The following AARS2 variants were observed in gnomAD, a reference collection of about 807,000 sequenced individuals.
AARS2 encodes alanyl-tRNA synthetase 2, mitochondrial.
AARS2 carries 78 observed loss-of-function variants against 119.7 expected under a neutral mutation model. The ratio of observed to expected loss-of-function variants is 0.65; its 90% CI spans 0.54 to 0.79. The LOEUF (loss-of-function observed/expected upper bound fraction) is 0.79. Ranked by LOEUF, AARS2 falls within the 30% of genes least tolerant of loss-of-function variation. The probability of loss-of-function intolerance (pLI) is 0.00; values close to 1 mark genes in which losing one functional copy is unlikely to be tolerated. For missense variants in AARS2, 1,157 were observed against 1,291.3 expected (o/e 0.90, Z 1.59); for synonymous variants, 502 against 526.3 (o/e 0.95, Z 0.63).
In AARS2 at chr6:44,300,282, G is replaced by A. The variant is rs1785255616; in HGVS notation, c.*265C>T. 1 of 540,590 alleles carries A rather than the reference G, an allele frequency of 1.8e-6. No homozygotes were observed. Among genetic ancestry groups the A allele is most frequent in the Non-Finnish European group, 3.3e-6 (1 of 300,550 alleles). The allele number at this position is 540,590 out of a possible 1,614,324, so 33.5% of individuals were successfully genotyped here. On this transcript the variant is annotated 3_prime_UTR_variant, in exon 22 of 22. Coordinates refer to ENST00000244571, the MANE Select transcript of AARS2 (RefSeq NM_020745.4). ...GTGTGAACCACCACACCCGGCCAGT[G>A]AAATAATTTCTAATGTGCAGTCACA...
At chr6:44,306,664 A>C in intron 7 of AARS2, 132 bp from the exon 8 acceptor site, 1 of 1,149,158 alleles carries the variant, frequency 8.7e-7, no homozygotes, top group Non-Finnish European at 1.3e-6. Flanking sequence ...AGGGACTCAA[A>C]TGGGGAACTG....
intron 21 of AARS2, 22 bp downstream of exon 21, chr6:44,301,134 G>A (rs981915454): frequency 1.2e-6 from 2 of 1,601,676 alleles, no homozygotes; most frequent in South Asian, 2.2e-5. Flanking sequence ...GGGGCGGTGG[G>A]CTGCTCTCCC....
In AARS2 at chr6:44,300,449, C is replaced by CCT. The variant is rs1287017086; in HGVS notation, c.*96_*97dup. 5.8e-6 allele frequency: 9 copies of CCT among 1,558,948 alleles called. No homozygotes were observed. Among genetic ancestry groups the CCT allele is most frequent in the Non-Finnish European group, 7.9e-6 (9 of 1,134,390 alleles). On this transcript the variant is annotated 3_prime_UTR_variant, in exon 22 of 22. Transcript: ENST00000244571. ...TTTGGCTCAGCTGCTTGGCCTCCAG[C>CCT]CTCTAGTCCTCGCTTCAGCATGTGG...
chr6:44,306,269 A>T lies in AARS2; in HGVS notation c.1300+11T>A, dbSNP rs1007485410. On this transcript the variant is annotated intron_variant, in intron 9 of 21. Transcript: ENST00000244571. ...CGAGCCCCTTGTGCATGGGCTAGGT[A>T]TCCTGCTTACCAGGGAACATATCTG... 4 of 1,613,456 alleles carry T rather than the reference A, an allele frequency of 2.5e-6. No individual in the cohort carries two copies. The highest frequency in any genetic ancestry group is 3.4e-6 in the Non-Finnish European group (4 of 1,179,516).
chr6:44,312,002 G>A (rs982227461), intron 2 of AARS2, 70 bp downstream of exon 2: 53 of 1,574,684 alleles, frequency 3.4e-5, no homozygotes, highest in Non-Finnish European at 7.0e-6. Flanking sequence ...CCCTGCCTAA[G>A]CAGACAGTAC....
chr6:44,313,252 G>T lies in AARS2; in HGVS notation c.72C>A (p.Gly24=). 1 of 1,572,864 alleles carries T rather than the reference G, an allele frequency of 6.4e-7. No homozygotes were observed. Among genetic ancestry groups the T allele is most frequent in the Middle Eastern group, 2.3e-4 (1 of 4,430 alleles). The change falls in exon 1 of 22, where the codon GGC becomes GGA. Residue 24 remains glycine (G), a synonymous_variant. Coordinates refer to ENST00000244571, the MANE Select transcript of AARS2 (RefSeq NM_020745.4). ...CCGATGAGAGCGGCCGATGGCTGAGGCCCCGCCATGCGGGCGACCTTCGAA... is the reference window on the plus strand; with the variant it reads ...CCGATGAGAGCGGCCGATGGCTGAGTCCCCGCCATGCGGGCGACCTTCGAA... ...RAIRRSPAWR[G]LSHRPLSSEP...
chr6:44,308,871 G>A (rs1786100855), intron 5 of AARS2, among the ~76,000 whole-genome samples: 1 of 152,072 alleles, frequency 6.6e-6, no homozygotes, highest in Admixed American at 6.5e-5. Context: ...CCAAGTGCTG[G>A]GATTACAGGA....
At chr6:44,306,891 G>C (rs1785905318) in intron 7 of AARS2, 32 bp downstream of exon 7, 1 of 1,601,070 alleles carries the variant, frequency 6.2e-7, no homozygotes, top group African/African-American at 1.3e-5. Context: ...TGCCCAGGGA[G>C]GCCCAGAGTG....
intron 5 of AARS2, among the ~76,000 whole-genome samples, chr6:44,308,542 C>CAA (rs879544098): frequency 7.3e-6 from 1 of 136,928 alleles, no homozygotes; most frequent in African/African-American, 2.7e-5. Context: ...GACTCTGTCT[C>CAA]AAAAAAAAAA....
At chr6:44,312,006 A>G in intron 2 of AARS2, 66 bp downstream of exon 2, 1 of 1,580,472 alleles carries the variant, frequency 6.3e-7, no homozygotes, top group Non-Finnish European at 8.7e-7. Flanking sequence ...GCCTAAGCAG[A>G]CAGTACAATG....
chr6:44,299,080 C>T lies in AARS2; in HGVS notation c.*1467G>A, dbSNP rs1029142523. Among the ~76,000 whole-genome samples, 1 of 152,192 alleles carries T rather than the reference C, an allele frequency of 6.6e-6. No homozygotes were observed. The highest frequency in any genetic ancestry group is 1.5e-5 in the Non-Finnish European group (1 of 68,044). On this transcript the variant is annotated 3_prime_UTR_variant, in exon 22 of 22. Coordinates refer to ENST00000244571, the MANE Select transcript of AARS2 (RefSeq NM_020745.4). ...AGTGGCACTGGCCACCTCACGGCCT[C>T]TGCATTGGCTGTTCCCTCAGGCTGG... is the stretch of plus-strand genomic sequence containing the variant.
rs562755899 is a variant in AARS2 at position 44,308,995 on chromosome 6, T to C, written c.894+1304A>G. On this transcript the variant is annotated intron_variant, in intron 5 of 21. Coordinates refer to ENST00000244571, the MANE Select transcript of AARS2 (RefSeq NM_020745.4). ...TTCTGCCTTCTTCTCTGTGAGACTG[T>C]TCACAAAAATGGCCCTTTCCTAGGC... Among the ~76,000 whole-genome samples the C allele has an allele frequency of 1.6e-4, 24 of 152,304 alleles. No individual in the cohort carries two copies. In the East Asian group the frequency reaches 4.2e-3, roughly 27 times the overall value.
chr6:44,303,154 C>G lies in AARS2; in HGVS notation c.2167G>C (p.Val723Leu). ...LDEVYPDPVR[V>L]VSVGVPVAHA... is the part of the protein sequence containing the mutation. ...GCCACGGGCACCCCCACTGATACCA[C>G]CCGCACAGGGTCTGGGTAAACCTGA... The change falls in exon 16 of 22, where the codon GTG (valine) becomes CTG (leucine). Residue 723 changes from valine (V) to leucine (L), a missense_variant. Transcript: ENST00000244571. The G allele has an allele frequency of 6.2e-7, 1 of 1,614,182 alleles. No homozygotes were observed.
chr6:44,311,371 A>G lies in AARS2; in HGVS notation c.581+19T>C. The G allele has an allele frequency of 3.1e-6, 5 of 1,614,124 alleles. No homozygotes were observed. The highest frequency in any genetic ancestry group is 4.2e-6 in the Non-Finnish European group (5 of 1,180,020). ...CCTCCTGACCTCCAGGAATGAACAT[A>G]AGAAGGGGGCTGACTTACCCTAAGC... On this transcript the variant is annotated intron_variant, in intron 3 of 21. Transcript: ENST00000244571.
At chr6:44,301,714 G>A (rs750486015) in intron 19 of AARS2, among the ~76,000 whole-genome samples, 1 of 152,136 alleles carries the variant, frequency 6.6e-6, no homozygotes, top group Non-Finnish European at 1.5e-5. Flanking sequence ...CAAATAGGTC[G>A]CTGAAGGTGA....
At position 44,312,276 on chromosome 6, in the gene AARS2, A is replaced by T. The variant is rs780686340; in HGVS notation, c.244-13T>A. On this transcript the variant is annotated splice_polypyrimidine_tract_variant and intron_variant, in intron 1 of 21. Coordinates refer to ENST00000244571, the MANE Select transcript of AARS2 (RefSeq NM_020745.4). ...AGATTGGCTTGAACTGGAAGCACAT[A>T]GAGTGGGGAGGGGGAGAGGGATATC... The T allele has an allele frequency of 6.2e-7, 1 of 1,612,654 alleles. No individual in the cohort carries two copies. The highest frequency in any genetic ancestry group is 1.3e-5 in the African/African-American group (1 of 75,034).
chr6:44,305,776 G>A lies in AARS2; in HGVS notation c.1311C>T (p.Ala437=), dbSNP rs772032066. ...GGTCTCCACACAGTGACAAGGACCA[G>A]GCCACTTCAGCTTTGAGAAAGAAAG... ...GPSDMFPAEV[A]WSLSLCGDLG... Residue 437 remains alanine, a synonymous_variant, in exon 10 of 22, where the codon GCC becomes GCT. Coordinates refer to ENST00000244571, the MANE Select transcript of AARS2 (RefSeq NM_020745.4). The surrounding 1 kb of genome is among the most constrained non-coding windows in gnomAD (Gnocchi z 4.6). 1.2e-6 allele frequency: 2 copies of A among 1,614,008 alleles called. No individual in the cohort carries two copies. The highest frequency in any genetic ancestry group is 1.3e-5 in the African/African-American group (1 of 74,916).
At chr6:44,300,847 G>T in intron 21 of AARS2, 136 bp from the exon 22 acceptor site, 1 of 1,147,838 alleles carries the variant, frequency 8.7e-7, no homozygotes, top group East Asian at 2.6e-5. Flanking sequence ...GCAGTCAGGT[G>T]ATGAGCCGGA....
Position 44,313,224 on chromosome 6 carries a change from G to A in AARS2, c.100C>T (p.Pro34Ser). 2 of 1,601,098 alleles carry A rather than the reference G, an allele frequency of 1.2e-6. No homozygotes were observed. The highest frequency in any genetic ancestry group is 1.7e-6 in the Non-Finnish European group (2 of 1,176,478). ...GLSHRPLSSE[P>S]PAAKASAVRA... ...ACGGCCGAGGCCTTGGCTGCAGGGG[G>A]CTCCGATGAGAGCGGCCGATGGCTG... The change falls in exon 1 of 22, where the codon CCC (proline) becomes TCC (serine). Residue 34 changes from proline to serine, a missense_variant. Transcript: ENST00000244571.
Sources: gnomAD v4.1 joint callset for allele counts (sites outside exome capture counted in the v4.1 genomes callset) on GRCh38, gnomAD v4.1.1 for gene constraint, Gnocchi (gnomAD v3.1) non-coding constraint, MANE v1.5 for transcripts, NCBI Gene and HGNC (gene_info 2026-07-23, HGNC 2026-07-21) for gene names.